The following COL19A1 variants were observed in gnomAD, a reference collection of about 807,000 sequenced individuals.
COL19A1 encodes the protein collagen type XIX alpha 1 chain.
Under a neutral mutation model 190.2 loss-of-function variants are expected in COL19A1, and 159 were observed. The observed-to-expected ratio is 0.84, with a 90% CI of 0.73 to 0.95. The LOEUF is 0.95. COL19A1 is among the 40% of genes least tolerant of loss of function. The pLI is 0.00. For synonymous variants in COL19A1, 509 were observed against 458.9 expected, an observed-to-expected ratio of 1.11 and a Z score of -1.39; for missense variants, 1,418 against 1,431.9, an observed-to-expected ratio of 0.99 and a Z score of 0.16.
chr6:70,153,112 T>C (rs1200393441), intron 31 of COL19A1, among the ~76,000 whole-genome samples: 1 of 152,010 alleles, frequency 6.6e-6, no homozygotes, highest in African/African-American at 2.4e-5. Flanking sequence ...CTGTATACAA[T>C]AGAAGAAAGG....
chr6:70,143,205 A>G (rs1228694261), intron 23 of COL19A1, among the ~76,000 whole-genome samples: 1 of 152,176 alleles, frequency 6.6e-6, no homozygotes, highest in Non-Finnish European at 1.5e-5. Flanking sequence ...GTCTCCATCT[A>G]AGGAAGACAT....
At chr6:70,090,401 T>C (rs1161043560) in intron 15 of COL19A1, among the ~76,000 whole-genome samples, 1 of 152,290 alleles carries the variant, frequency 6.6e-6, no homozygotes, top group Non-Finnish European at 1.5e-5. Context: ...TCATTGTACG[T>C]ATTATAAGTA....
At chr6:70,121,982 AT>A (rs1784911019) in intron 17 of COL19A1, 40 bp downstream of exon 17, 2 of 1,291,762 alleles carry the variant, frequency 1.5e-6, no homozygotes, top group Non-Finnish European at 2.2e-6. Context: ...ATACATAGAA[AT>A]TTTATATGAT....
intron 14 of COL19A1, among the ~76,000 whole-genome samples, chr6:70,058,678 CATAA>C (rs1780650379): frequency 2.2e-5 from 3 of 136,136 alleles, no homozygotes; most frequent in African/African-American, 1.1e-4. Flanking sequence ...GATAAAATAA[CATAA>C]CATAAAGCTG....
At chr6:69,891,017 G>T in intron 2 of COL19A1, 2 of 353,844 alleles carry the variant, frequency 5.7e-6, no homozygotes, top group South Asian at 4.9e-5. Flanking sequence ...TAGCAGAAGG[G>T]GCCATTGTCA....
At chr6:69,961,098 T>C (rs755707704) in intron 10 of COL19A1, among the ~76,000 whole-genome samples, 3 of 152,154 alleles carry the variant, frequency 2.0e-5, no homozygotes, top group Non-Finnish European at 4.4e-5. Flanking sequence ...AGAGCATTAT[T>C]GATGTAATAT....
chr6:70,016,761 C>T (rs746858592), intron 11 of COL19A1, among the ~76,000 whole-genome samples: 14 of 151,816 alleles, frequency 9.2e-5, no homozygotes. Context: ...GAATGTCTAA[C>T]AAGCAGAGGA....
chr6:69,891,579 C>T (rs1015396708), intron 2 of COL19A1, among the ~76,000 whole-genome samples: 6 of 152,206 alleles, frequency 3.9e-5, no homozygotes, highest in South Asian at 2.1e-4. Context: ...AGAATGTCCT[C>T]TTTCCCTCTT....
intron 11 of COL19A1, among the ~76,000 whole-genome samples, chr6:69,991,834 T>C: frequency 6.6e-6 from 1 of 152,132 alleles, no homozygotes; most frequent in Non-Finnish European, 1.5e-5. Context: ...TCCCATTCTG[T>C]ATGTTGTCTG....
At chr6:69,978,712 T>C (rs953647734) in intron 11 of COL19A1, among the ~76,000 whole-genome samples, 2 of 151,486 alleles carry the variant, frequency 1.3e-5, no homozygotes, top group African/African-American at 2.4e-5. Flanking sequence ...AAATAGTAGA[T>C]GGGAATTAAT....
Position 70,106,113 on chromosome 6 carries a change from G to A in COL19A1, c.1278+3891G>A, listed in dbSNP as rs1301819902. 3.3e-5 allele frequency among the ~76,000 whole-genome samples: 5 copies of A among 152,064 alleles called. No homozygotes were observed. In the East Asian group the frequency reaches 7.7e-4, roughly 23 times the overall value. On this transcript the variant is annotated intron_variant, in intron 16 of 50. Coordinates refer to ENST00000620364, the MANE Select transcript of COL19A1 (RefSeq NM_001858.6). Reference sequence around the variant, plus strand: ...GAAATCAAACATAGTGTTGTTATTCGGGGGAGTGTCAGTGAAGACTTTAAA... The same window carrying A: ...GAAATCAAACATAGTGTTGTTATTCAGGGGAGTGTCAGTGAAGACTTTAAA...
rs1769987078 is a variant in COL19A1 at position 69,899,103 on chromosome 6, A to G, written c.166+81A>G. 3 of 828,094 alleles carry G rather than the reference A, an allele frequency of 3.6e-6. No homozygotes were observed. In the Admixed American group the frequency reaches 6.5e-5, roughly 18 times the overall value. The allele number at this position is 828,094 out of a possible 1,614,324, so 51.3% of individuals were successfully genotyped here. ...CTAGATATGGAATACATTATAGGTGAATCTTTGATACTGCAATTTAAGATC... is the reference window on the plus strand; with the variant it reads ...CTAGATATGGAATACATTATAGGTGGATCTTTGATACTGCAATTTAAGATC... On this transcript the variant is annotated intron_variant, in intron 3 of 50. Coordinates refer to ENST00000620364, the MANE Select transcript of COL19A1 (RefSeq NM_001858.6).
intron 15 of COL19A1, among the ~76,000 whole-genome samples, chr6:70,074,840 G>A (rs1781790638): frequency 6.6e-6 from 1 of 152,138 alleles, no homozygotes; most frequent in African/African-American, 2.4e-5. Context: ...TCATAATTCT[G>A]CTCTCACTAA....
At chr6:69,990,915 G>T (rs1776582739) in intron 11 of COL19A1, among the ~76,000 whole-genome samples, 1 of 151,882 alleles carries the variant, frequency 6.6e-6, no homozygotes, top group South Asian at 2.1e-4. Context: ...TTTTAGGTTT[G>T]GGGGGTACAT....
chr6:69,876,104 A>G (rs891045746), intron 1 of COL19A1, among the ~76,000 whole-genome samples: 1 of 152,176 alleles, frequency 6.6e-6, no homozygotes, highest in Non-Finnish European at 1.5e-5. Context: ...TGAAGAAGGG[A>G]AGAGAAACGG....
intron 18 of COL19A1, among the ~76,000 whole-genome samples, chr6:70,135,877 C>T (rs977278883): frequency 3.9e-5 from 6 of 152,124 alleles, no homozygotes; most frequent in African/African-American, 1.4e-4. Context: ...AGTTCAGGTT[C>T]TGGTCATGTC....
chr6:70,088,062 G>A (rs1346031522), intron 15 of COL19A1, among the ~76,000 whole-genome samples: 3 of 152,110 alleles, frequency 2.0e-5, no homozygotes, highest in African/African-American at 7.2e-5. Context: ...ATTCCTCTGG[G>A]AATGCTTGGG....
intron 15 of COL19A1, among the ~76,000 whole-genome samples, chr6:70,073,401 T>C (rs11961722): frequency 1.1e-3 from 161 of 152,288 alleles, no homozygotes; most frequent in African/African-American, 3.6e-3. Flanking sequence ...GAGATGCTAA[T>C]AACGCCTACC....
chr6:69,914,933 T>TA (rs879736977), intron 4 of COL19A1, among the ~76,000 whole-genome samples: 7 of 152,210 alleles, frequency 4.6e-5, no homozygotes, highest in Admixed American at 2.6e-4. Flanking sequence ...ATCTTTTTTT[T>TA]ATATTTTAGT....
Sources: allele counts gnomAD v4.1 joint callset (sites outside exome capture counted in the v4.1 genomes callset), GRCh38; gene constraint gnomAD v4.1.1; transcripts MANE v1.5; gene names NCBI Gene and HGNC (gene_info 2026-07-23, HGNC 2026-07-21).